The following HS3ST5 variants were observed in gnomAD, a reference collection of about 807,000 sequenced individuals.
HS3ST5 encodes heparan sulfate glucosamine 3-O-sulfotransferase 5.
HS3ST5 carries 10 observed loss-of-function variants against 25.4 expected under a neutral mutation model. The observed-to-expected ratio is 0.39, with a 90% CI of 0.24 to 0.67. The LOEUF (loss-of-function observed/expected upper bound fraction) is 0.67. Among genes scored for constraint, HS3ST5 ranks in the 30% least tolerant of loss-of-function variants. The pLI is 0.44. For missense variants in HS3ST5, 324 were observed against 420.7 expected, an observed-to-expected ratio of 0.77 and a Z score of 2.01; for synonymous variants, 170 against 162.4, an observed-to-expected ratio of 1.05 and a Z score of -0.36.
chr6:114,154,476 A>G (rs761526556), intron 3 of HS3ST5, among the ~76,000 whole-genome samples: 4 of 152,158 alleles, frequency 2.6e-5, no homozygotes, highest in Non-Finnish European at 5.9e-5. Flanking sequence ...TGGGCAACAT[A>G]GCAAGACTCC....
intron 3 of HS3ST5, among the ~76,000 whole-genome samples, chr6:114,075,709 C>T (rs1774085811): frequency 6.6e-6 from 1 of 152,166 alleles, no homozygotes; most frequent in Non-Finnish European, 1.5e-5. Flanking sequence ...TGGCTCTTCA[C>T]AGTGGTACCT....
chr6:114,202,144 G>C (rs560180194), intron 2 of HS3ST5, among the ~76,000 whole-genome samples: 2 of 152,230 alleles, frequency 1.3e-5, no homozygotes, highest in South Asian at 4.2e-4. Context: ...CAAAAGGCCG[G>C]GGAAAATGAG....
At chr6:114,183,429 T>C (rs1780059252) in intron 2 of HS3ST5, among the ~76,000 whole-genome samples, 1 of 152,206 alleles carries the variant, frequency 6.6e-6, no homozygotes, top group Non-Finnish European at 1.5e-5. Context: ...CATGTGGAAC[T>C]AGGAATCTAT....
At chr6:114,241,824 A>G (rs1458299498) in intron 1 of HS3ST5, among the ~76,000 whole-genome samples, 2 of 152,208 alleles carry the variant, frequency 1.3e-5, no homozygotes, top group Non-Finnish European at 2.9e-5. Context: ...ACAAGATCTA[A>G]GAGATGTAAA....
intron 1 of HS3ST5, among the ~76,000 whole-genome samples, chr6:114,329,050 TGATGGTAATTTGTAATA>T (rs1562277606): frequency 6.6e-6 from 1 of 152,222 alleles, no homozygotes; most frequent in Admixed American, 6.5e-5. Context: ...AAATGCGTCA[TGATGGTAATTTGTAATA>T]GATGATAAAT....
intron 3 of HS3ST5, among the ~76,000 whole-genome samples, chr6:114,115,002 A>AGGG (rs1776450298): frequency 6.6e-6 from 1 of 152,144 alleles, no homozygotes; most frequent in African/African-American, 2.4e-5. Context: ...TGCAGCGACC[A>AGGG]GAGTCCTGGT....
chr6:114,099,020 A>T (rs556487699), intron 3 of HS3ST5, among the ~76,000 whole-genome samples: 1 of 152,268 alleles, frequency 6.6e-6, no homozygotes, highest in African/African-American at 2.4e-5. Flanking sequence ...GTTAAATAAC[A>T]ATACAAGAAA....
chr6:114,165,449 G>T (rs1582671020), intron 3 of HS3ST5, among the ~76,000 whole-genome samples: 1 of 151,928 alleles, frequency 6.6e-6, no homozygotes, highest in Non-Finnish European at 1.5e-5. Context: ...CGCCTGCCAG[G>T]GTTTTCAAAT....
In HS3ST5 at chr6:114,296,925, A is replaced by G. The variant is rs534693563; in HGVS notation, c.-339+45270T>C. Among the ~76,000 whole-genome samples, 7 of 152,336 alleles carry G rather than the reference A, an allele frequency of 4.6e-5. No individual in the cohort carries two copies. In the South Asian group the frequency reaches 1.5e-3, roughly 32 times the overall value. On this transcript the variant is annotated intron_variant, in intron 1 of 4. Coordinates refer to ENST00000312719, the MANE Select transcript of HS3ST5 (RefSeq NM_153612.4). ...CAGAGTGCCTTCAGGAGCTTGGAGG[A>G]TAACACTGAACACAAAGGTGAAAGT...
intron 1 of HS3ST5, among the ~76,000 whole-genome samples, chr6:114,325,903 CT>C (rs1776154451): frequency 6.6e-6 from 1 of 152,178 alleles, no homozygotes; most frequent in Non-Finnish European, 1.5e-5. Context: ...TTATTGAGCA[CT>C]TACTCTGTGC....
At chr6:114,074,962 C>G (rs983329431) in intron 3 of HS3ST5, among the ~76,000 whole-genome samples, 1 of 152,156 alleles carries the variant, frequency 6.6e-6, no homozygotes, top group South Asian at 2.1e-4. Context: ...CCTTTCTTCT[C>G]TAAATCTCTG....
chr6:114,293,167 C>T (rs1582793476), intron 1 of HS3ST5, among the ~76,000 whole-genome samples: 1 of 151,992 alleles, frequency 6.6e-6, no homozygotes, highest in Non-Finnish European at 1.5e-5. Flanking sequence ...CTGAGCTGTA[C>T]AGGAGGTAGT....
intron 3 of HS3ST5, among the ~76,000 whole-genome samples, chr6:114,097,754 TA>T (rs1203292661): frequency 6.6e-6 from 1 of 151,730 alleles, no homozygotes; most frequent in Non-Finnish European, 1.5e-5. Flanking sequence ...TTTCCTTTTT[TA>T]AAAAAAATCA....
At chr6:114,165,212 T>C (rs1015603998) in intron 3 of HS3ST5, among the ~76,000 whole-genome samples, 2 of 152,158 alleles carry the variant, frequency 1.3e-5, no homozygotes, top group Non-Finnish European at 2.9e-5. Flanking sequence ...CTATGTCCAA[T>C]CCTTGGTTTA....
chr6:114,099,879 C>A (rs185855286), intron 3 of HS3ST5, among the ~76,000 whole-genome samples: 1 of 152,034 alleles, frequency 6.6e-6, no homozygotes, highest in Non-Finnish European at 1.5e-5. Flanking sequence ...GACTCTTGGC[C>A]TTTTCATATA....
intron 1 of HS3ST5, among the ~76,000 whole-genome samples, chr6:114,271,322 T>C (rs1773629007): frequency 6.6e-6 from 1 of 152,102 alleles, no homozygotes; most frequent in African/African-American, 2.4e-5. Flanking sequence ...TCTCTACCAA[T>C]TCCTGTTTCT....
chr6:114,257,365 C>G (rs1772977813), intron 1 of HS3ST5, among the ~76,000 whole-genome samples: 1 of 152,182 alleles, frequency 6.6e-6, no homozygotes, highest in Admixed American at 6.5e-5. Context: ...CAAATAGCAA[C>G]TCATTAATCC....
At chr6:114,225,400 C>A (rs1226536830) in intron 2 of HS3ST5, among the ~76,000 whole-genome samples, 1 of 151,814 alleles carries the variant, frequency 6.6e-6, no homozygotes, top group Non-Finnish European at 1.5e-5. Context: ...TCTTTTAAAG[C>A]AAGTTAGACT....
chr6:114,103,857 ATTT>A (rs71553394), intron 3 of HS3ST5, among the ~76,000 whole-genome samples: 1 of 107,146 alleles, frequency 9.3e-6, no homozygotes, highest in African/African-American at 3.7e-5. Context: ...CACCTGGCTA[ATTT>A]TTTTTTTTTT....
Sources: gnomAD v4.1 joint callset for allele counts (sites outside exome capture counted in the v4.1 genomes callset) on GRCh38, gnomAD v4.1.1 for gene constraint, MANE v1.5 for transcripts, NCBI Gene and HGNC (gene_info 2026-07-23, HGNC 2026-07-21) for gene names.